The following SEPHS2 variants were observed in gnomAD, a reference collection of about 807,000 sequenced individuals.
SEPHS2 encodes the protein selenophosphate synthetase 2.
Under a neutral mutation model 23.9 loss-of-function variants are expected in SEPHS2, and 11 were observed. That is an observed-to-expected ratio of 0.46 (90% CI 0.29 to 0.76). SEPHS2 has a LOEUF of 0.76. Ranked by LOEUF, SEPHS2 falls within the 30% of genes least tolerant of loss-of-function variation. The probability of loss-of-function intolerance (pLI) is 0.10; values close to 1 mark genes in which losing one functional copy is unlikely to be tolerated. For missense variants in SEPHS2, 541 were observed against 592.5 expected, an observed-to-expected ratio of 0.91 and a Z score of 0.90; for synonymous variants, 239 against 247.5, an observed-to-expected ratio of 0.97 and a Z score of 0.32.
rs544110692 is a variant in SEPHS2 at position 30,444,308 on chromosome 16, C to A, written c.*73G>T. ...GGCAGCCTTCTTTGGAAATTTCTTA[C>A]AATCAACTCTTGAGAACCATCCGTG... On this transcript the variant is annotated 3_prime_UTR_variant, in exon 1 of 1. Transcript: ENST00000478753. The surrounding 1 kb of genome is among the most constrained non-coding windows in gnomAD (Gnocchi z 4.0). 1.6e-5 allele frequency: 23 copies of A among 1,460,852 alleles called. No homozygotes were observed. In the East Asian group the frequency reaches 4.2e-4, roughly 26 times the overall value. The allele number at this position is 1,460,852 out of a possible 1,614,324, so 90.5% of individuals were successfully genotyped here. A position where few individuals can be genotyped will look rare whatever the true frequency, so the allele number is the denominator to read the frequency against.
chr16:30,445,628 T>C lies in SEPHS2; in HGVS notation c.100A>G (p.Asn34Asp), dbSNP rs2050277157. ...AGLTLGRSFS[N>D]YRPFEPQALG... ...GCCTGGGGCTCGAAGGGCCGGTAGTTCGAGAAGCTCCGGCCCAGAGTCAAG... is the reference window on the plus strand; with the variant it reads ...GCCTGGGGCTCGAAGGGCCGGTAGTCCGAGAAGCTCCGGCCCAGAGTCAAG... The change falls in exon 1 of 1, where the codon AAC (asparagine) becomes GAC (aspartate). Residue 34 changes from asparagine (N) to aspartate (D), a missense_variant. Around this residue, in one of 3 missense-constraint regions of SEPHS2, gnomAD observed 207 missense variants for 182.2 expected, o/e 1.14. Transcript: ENST00000478753. 2.6e-6 allele frequency: 4 copies of C among 1,534,914 alleles called. No homozygotes were observed. The highest frequency in any genetic ancestry group is 2.6e-6 in the Non-Finnish European group (3 of 1,146,266).
At position 30,444,065 on chromosome 16, in the gene SEPHS2, TAATC is replaced by T. The variant is rs2050266581; in HGVS notation, c.*312_*315del. 2 of 236,646 alleles carry T rather than the reference TAATC, an allele frequency of 8.5e-6. No individual in the cohort carries two copies. The highest frequency in any genetic ancestry group is 5.5e-5 in the Admixed American group (1 of 18,146). 14.7% of individuals were successfully genotyped at this position (236,646 alleles called of 1,614,324 possible). A position where few individuals can be genotyped will look rare whatever the true frequency, so the allele number is the denominator to read the frequency against. ...ATAATCTCACTCCCTGTGCAGAAAT[TAATC>T]AACCCCGTGCAAAGAAAAATCCCTC... is the stretch of plus-strand genomic sequence containing the variant. On this transcript the variant is annotated 3_prime_UTR_variant, in exon 1 of 1. Coordinates refer to ENST00000478753, the MANE Select transcript of SEPHS2 (RefSeq NM_012248.4). The surrounding 1 kb of genome is among the most constrained non-coding windows in gnomAD (Gnocchi z 4.0).
In SEPHS2 at chr16:30,444,836, G is replaced by A. The variant is rs749651996; in HGVS notation, c.892C>T (p.Leu298Phe). 1 of 1,614,176 alleles carries A rather than the reference G, an allele frequency of 6.2e-7. No homozygotes were observed. ...YQEAMFNMAT[L>F]NRTAAGLMHT... ...ATTAAACCTGCAGCAGTTCTGTTGA[G>A]GGTAGCCATATTGAACATGGCTTCC... The change falls in exon 1 of 1, where the codon CTC becomes TTC. Residue 298 changes from leucine (L) to phenylalanine (F), a missense_variant. Leu to Phe is a conservative substitution (Grantham distance 22). This residue lies in a region of SEPHS2 where 224 missense variants were observed against 237.4 expected (regional missense o/e 0.94). Transcript: ENST00000478753. The surrounding 1 kb of genome is among the most constrained non-coding windows in gnomAD (Gnocchi z 4.0).
At position 30,445,869 on chromosome 16, in the gene SEPHS2, C is replaced by A. The variant is rs1042321534; in HGVS notation, c.-142G>T. On this transcript the variant is annotated 5_prime_UTR_variant, in exon 1 of 1. Transcript: ENST00000478753. ...CCGTCAGACCCACGGCATGCACAAT[C>A]TTCCTGATAGAGGAGCCGCCGGACT... 8.5e-7 allele frequency: 1 copy of A among 1,173,554 alleles called. No individual in the cohort carries two copies. The highest frequency in any genetic ancestry group is 1.6e-5 in the African/African-American group (1 of 60,880). The allele number at this position is 1,173,554 out of a possible 1,614,324, so 72.7% of individuals were successfully genotyped here.
In SEPHS2 at chr16:30,445,833, C is replaced by T. The variant is rs906010698; in HGVS notation, c.-106G>A. The T allele has an allele frequency of 2.2e-6, 3 of 1,390,796 alleles. No homozygotes were observed. Among genetic ancestry groups the T allele is most frequent in the Admixed American group, 3.0e-5 (1 of 33,434 alleles). 86.2% of individuals were successfully genotyped at this position (1,390,796 alleles called of 1,614,324 possible). A position where few individuals can be genotyped will look rare whatever the true frequency, so the allele number is the denominator to read the frequency against. ...TATTACCTGCAGGGATTCTCCCTAG[C>T]GCTACTCAAGCCGTCAGACCCACGG... is the stretch of plus-strand genomic sequence containing the variant. On this transcript the variant is annotated 5_prime_UTR_variant, in exon 1 of 1. Coordinates refer to ENST00000478753, the MANE Select transcript of SEPHS2 (RefSeq NM_012248.4).
chr16:30,445,768 T>C lies in SEPHS2; in HGVS notation c.-41A>G. On this transcript the variant is annotated 5_prime_UTR_variant, in exon 1 of 1. Transcript: ENST00000478753. ...GGGAAGCGAGAGGAGAAGAGGGCCC[T>C]TTTATTTTCCACTCAGATTAATATG... 6.6e-7 allele frequency: 1 copy of C among 1,516,194 alleles called. No homozygotes were observed. Among genetic ancestry groups the C allele is most frequent in the East Asian group, 2.5e-5 (1 of 39,780 alleles). 93.9% of individuals were successfully genotyped at this position (1,516,194 alleles called of 1,614,324 possible). A position where few individuals can be genotyped will look rare whatever the true frequency, so the allele number is the denominator to read the frequency against.
In SEPHS2 at chr16:30,445,345, T is replaced by A. The variant is rs377649086; in HGVS notation, c.383A>T (p.His128Leu). The A allele has an allele frequency of 1.6e-5, 25 of 1,612,770 alleles. No individual in the cohort carries two copies. Among genetic ancestry groups the A allele is most frequent in the Non-Finnish European group, 2.0e-5 (23 of 1,179,394 alleles). Residue 128 changes from histidine (H) to leucine (L), a missense_variant, in exon 1 of 1, where the codon CAC becomes CTC. This residue lies in a region of SEPHS2 where 207 missense variants were observed against 182.2 expected (regional missense o/e 1.14). Transcript: ENST00000478753. ...GGTCTGCACCAGTGACAGGCCCCCG[T>A]GCCTCAGGGGGATGACGCAGGAGTC... ...GMDSCVIPLR[H>L]GGLSLVQTTD...
In SEPHS2 at chr16:30,445,428, G is replaced by A. The variant is rs769452127; in HGVS notation, c.300C>T (p.Ala100=). ...VGGQEEASQE[A]GLPAGAGPSP... ...TGGGGCCCGCTCCTGCCGGCAGGCC[G>A]GCTTCCTGGGACGCCTCTTCCTGGC... The change falls in exon 1 of 1, where the codon GCC becomes GCT. Residue 100 remains alanine (A), a synonymous_variant. Transcript: ENST00000478753. 5 of 1,573,508 alleles carry A rather than the reference G, an allele frequency of 3.2e-6. No individual in the cohort carries two copies. Among genetic ancestry groups the A allele is most frequent in the Non-Finnish European group, 3.4e-6 (4 of 1,163,754 alleles).
At position 30,445,661 on chromosome 16, in the gene SEPHS2, G is replaced by A; in HGVS notation, c.67C>T (p.Pro23Ser). 5 of 1,535,136 alleles carry A rather than the reference G, an allele frequency of 3.3e-6. No homozygotes were observed. Among genetic ancestry groups the A allele is most frequent in the Non-Finnish European group, 4.4e-6 (5 of 1,145,658 alleles). Residue 23 changes from proline to serine, a missense_variant, in exon 1 of 1, where the codon CCG becomes TCG. Pro to Ser is a moderately conservative substitution (Grantham distance 74). This residue lies in a region of SEPHS2 where 207 missense variants were observed against 182.2 expected (regional missense o/e 1.14). Transcript: ENST00000478753. ...CTCCGGCCCAGAGTCAAGCCCGCCG[G>A]GCCCGAGGAGCCTTCCGCCGCTGCC... ...AMAAAEGSSGPAGLTLGRSFS... is the reference protein window; with the variant it reads ...AMAAAEGSSGSAGLTLGRSFS...
At position 30,445,474 on chromosome 16, in the gene SEPHS2, A is replaced by T. The variant is rs940104960; in HGVS notation, c.254T>A (p.Leu85Gln). ...GLTRPDVRPP[L>Q]GRGLVGGQEE... ...CTGGCCACCCACCAGGCCCCGGCCC[A>T]GCGGGGGCCGCACGTCCGGCCGCGT... The change falls in exon 1 of 1, where the codon CTG (leucine) becomes CAG (glutamine). Residue 85 changes from leucine to glutamine, a missense_variant. Physicochemically the swap from Leu to Gln is moderately radical, Grantham distance 113 (BLOSUM62 -2). Coordinates refer to ENST00000478753, the MANE Select transcript of SEPHS2 (RefSeq NM_012248.4). 3.0e-5 allele frequency: 47 copies of T among 1,542,216 alleles called. No homozygotes were observed. The African/African-American group carries it at 6.0e-4, about 20-fold the overall frequency.
Position 30,444,680 on chromosome 16 carries a change from T to G in SEPHS2, c.1048A>C (p.Met350Leu), listed in dbSNP as rs1372921598. ...VIHNLPIIAK[M>L]AAVSKASGRF... is the part of the protein sequence containing the mutation. ...CCACTGGCCTTGCTGACGGCAGCCA[T>G]CTTGGCAATTATTGGCAGATTATGA... Residue 350 changes from methionine to leucine, a missense_variant, in exon 1 of 1, where the codon ATG becomes CTG. By Grantham distance (15) the Met-to-Leu change is conservative (BLOSUM62 2). Transcript: ENST00000478753. The surrounding 1 kb of genome is among the most constrained non-coding windows in gnomAD (Gnocchi z 4.0). The G allele has an allele frequency of 1.2e-6, 2 of 1,609,724 alleles. No individual in the cohort carries two copies. Among genetic ancestry groups the G allele is most frequent in the Non-Finnish European group, 1.7e-6 (2 of 1,176,858 alleles).
chr16:30,444,090 C>G lies in SEPHS2; in HGVS notation c.*291G>C. On this transcript the variant is annotated 3_prime_UTR_variant, in exon 1 of 1. Coordinates refer to ENST00000478753, the MANE Select transcript of SEPHS2 (RefSeq NM_012248.4). This position sits in a 1 kb window ranked among gnomAD's most constrained non-coding sequence, Gnocchi z 4.0. ...TAATCAACCCCGTGCAAAGAAAAAT[C>G]CCTCAACCTGGAATAGCTTCATCTT... 2 of 275,448 alleles carry G rather than the reference C, an allele frequency of 7.3e-6. No individual in the cohort carries two copies. The highest frequency in any genetic ancestry group is 1.4e-5 in the Non-Finnish European group (2 of 147,850). The allele number at this position is 275,448 out of a possible 1,614,324, so 17.1% of individuals were successfully genotyped here.
chr16:30,445,453 C>A lies in SEPHS2; in HGVS notation c.275G>T (p.Gly92Val), dbSNP rs2050275433. ...GGCTTCCTGGGACGCCTCTTCCTGG[C>A]CACCCACCAGGCCCCGGCCCAGCGG... The part of the protein sequence containing the change: ...RPPLGRGLVG[G>V]QEEASQEAGL... Residue 92 changes from glycine to valine, a missense_variant, in exon 1 of 1, where the codon GGC (glycine) becomes GTC (valine). Transcript: ENST00000478753. 4 of 1,553,276 alleles carry A rather than the reference C, an allele frequency of 2.6e-6. No individual in the cohort carries two copies. Among genetic ancestry groups the A allele is most frequent in the Admixed American group, 1.9e-5 (1 of 52,004 alleles).
In SEPHS2 at chr16:30,445,012, G is replaced by A. The variant is rs766341043; in HGVS notation, c.716C>T (p.Pro239Leu). Residue 239 changes from proline to leucine, a missense_variant, in exon 1 of 1, where the codon CCG (proline) becomes CTG (leucine). Pro to Leu is a moderately conservative substitution (Grantham distance 98). Around this residue, in one of 3 missense-constraint regions of SEPHS2, gnomAD observed 110 missense variants for 173.0 expected, o/e 0.64. Coordinates refer to ENST00000478753, the MANE Select transcript of SEPHS2 (RefSeq NM_012248.4). ...VVCQPNEFIM[P>L]DSAVVGDVLV... ...CACGTCCCCAACGACGGCGCTGTCC[G>A]GCATTATGAACTCATTTGGTTGGCA... 7 of 1,608,682 alleles carry A rather than the reference G, an allele frequency of 4.4e-6. No individual in the cohort carries two copies. Among genetic ancestry groups the A allele is most frequent in the Non-Finnish European group, 5.9e-6 (7 of 1,177,006 alleles).
Position 30,445,479 on chromosome 16 carries a change from G to C in SEPHS2, c.249C>G (p.Pro83=). 2 of 1,540,740 alleles carry C rather than the reference G, an allele frequency of 1.3e-6. No individual in the cohort carries two copies. The highest frequency in any genetic ancestry group is 1.7e-6 in the Non-Finnish European group (2 of 1,148,254). Residue 83 remains proline (P), a synonymous_variant, in exon 1 of 1, where the codon CCC becomes CCG. Coordinates refer to ENST00000478753, the MANE Select transcript of SEPHS2 (RefSeq NM_012248.4). ...CACCCACCAGGCCCCGGCCCAGCGG[G>C]GGCCGCACGTCCGGCCGCGTCAGTC... The part of the protein sequence containing the change: ...LAGLTRPDVR[P]PLGRGLVGGQ...
chr16:30,444,600 A>G lies in SEPHS2; in HGVS notation c.1128T>C (p.Ile376=), dbSNP rs1311454177. 4 of 1,614,214 alleles carry G rather than the reference A, an allele frequency of 2.5e-6. No homozygotes were observed. The Admixed American group carries it at 6.7e-5, about 27-fold the overall frequency. Residue 376 remains isoleucine (I), a synonymous_variant, in exon 1 of 1, where the codon ATT becomes ATC. Coordinates refer to ENST00000478753, the MANE Select transcript of SEPHS2 (RefSeq NM_012248.4). The surrounding 1 kb of genome is among the most constrained non-coding windows in gnomAD (Gnocchi z 4.0). ...TSAETSGGLL[I]CLPREQAARF... is the part of the protein sequence containing the mutation. The stretch of plus-strand genomic sequence containing the variant: ...GAGCCGCCTGTTCTCTTGGCAGACA[A>G]ATCAGTAATCCCCCAGAGGTTTCAG...
In SEPHS2 at chr16:30,445,674, T is replaced by G. The variant is rs1186303556; in HGVS notation, c.54A>C (p.Glu18Asp). 1.3e-6 allele frequency: 2 copies of G among 1,536,616 alleles called. No individual in the cohort carries two copies. Among genetic ancestry groups the G allele is most frequent in the Admixed American group, 3.9e-5 (2 of 50,954 alleles). ...TCAAGCCCGCCGGGCCCGAGGAGCC[T>G]TCCGCCGCTGCCATCGCCTCTCCGC... is the stretch of plus-strand genomic sequence containing the variant. ...GACGEAMAAA[E>D]GSSGPAGLTL... is the part of the protein sequence containing the mutation. Residue 18 changes from glutamate (E) to aspartate (D), a missense_variant, in exon 1 of 1, where the codon GAA (glutamate) becomes GAC (aspartate). Glu to Asp is a conservative substitution (Grantham distance 45). This residue lies in a region of SEPHS2 where 207 missense variants were observed against 182.2 expected (regional missense o/e 1.14). Coordinates refer to ENST00000478753, the MANE Select transcript of SEPHS2 (RefSeq NM_012248.4).
Position 30,445,507 on chromosome 16 carries a change from G to T in SEPHS2, c.221C>A (p.Ala74Glu), listed in dbSNP as rs889699311. The T allele has an allele frequency of 4.6e-6, 7 of 1,536,220 alleles. No individual in the cohort carries two copies. Among genetic ancestry groups the T allele is most frequent in the Non-Finnish European group, 6.1e-6 (7 of 1,146,870 alleles). Residue 74 changes from alanine (A) to glutamate (E), a missense_variant, in exon 1 of 1, where the codon GCG (alanine) becomes GAG (glutamate). Around this residue, in one of 3 missense-constraint regions of SEPHS2, gnomAD observed 207 missense variants for 182.2 expected, o/e 1.14. Transcript: ENST00000478753. ...VPQEALLKLL[A>E]GLTRPDVRPP... is the part of the protein sequence containing the mutation. ...CCGCACGTCCGGCCGCGTCAGTCCCGCCAGGAGTTTGAGCAGCGCCTCCTG... is the reference window on the plus strand; with the variant it reads ...CCGCACGTCCGGCCGCGTCAGTCCCTCCAGGAGTTTGAGCAGCGCCTCCTG...
rs8063942 is a variant in SEPHS2 at position 30,444,113 on chromosome 16, C to G, written c.*268G>C. On this transcript the variant is annotated 3_prime_UTR_variant, in exon 1 of 1. Transcript: ENST00000478753. This position sits in a 1 kb window ranked among gnomAD's most constrained non-coding sequence, Gnocchi z 4.0. ...ATCCCTCAACCTGGAATAGCTTCAT[C>G]TTACTTTGGCAAGAGAAAACAGAGG... 18,795 of 322,998 alleles carry G rather than the reference C, an allele frequency of 0.058. 2,460 individuals carry two copies. Among genetic ancestry groups the G allele is most frequent in the African/African-American group, 0.31 (14,705 of 46,852 alleles). The allele number at this position is 322,998 out of a possible 1,614,324, so 20.0% of individuals were successfully genotyped here. A position where few individuals can be genotyped will look rare whatever the true frequency, so the allele number is the denominator to read the frequency against.
Sources: gnomAD v4.1 joint callset for allele counts on GRCh38, gnomAD v4.1.1 for gene constraint, gnomAD v4.1.1 regional missense constraint, Gnocchi (gnomAD v3.1) non-coding constraint, MANE v1.5 for transcripts, NCBI Gene and HGNC (gene_info 2026-07-23, HGNC 2026-07-21) for gene names.